MESD: variants seen among roughly 807,000 people sequenced by gnomAD.
MESD encodes mesoderm development LRP chaperone.
Under a neutral mutation model 12.9 loss-of-function variants are expected in MESD, and 7 were observed. The ratio of observed to expected loss-of-function variants is 0.54; its 90% CI spans 0.31 to 1.02. The LOEUF is 1.02. Ranked by LOEUF, MESD falls within the 50% of genes least tolerant of loss-of-function variation. MESD has a pLI of 0.05. For missense variants in MESD, 342 were observed against 296.7 expected (o/e 1.15, Z -1.12); for synonymous variants, 126 against 115.6 (o/e 1.09, Z -0.58).
intron 2 of MESD, among the ~76,000 whole-genome samples, chr15:80,980,510 C>T (rs1323636556): frequency 6.6e-6 from 1 of 152,182 alleles, no homozygotes; most frequent in African/African-American, 2.4e-5. Flanking sequence ...GCAGAAACTT[C>T]TAGCTGAAGC....
chr15:80,954,569 G>A (rs1901925686), intron 3 of MESD, among the ~76,000 whole-genome samples: 1 of 152,208 alleles, frequency 6.6e-6, no homozygotes, highest in African/African-American at 2.4e-5. Flanking sequence ...CCTCAGGGCT[G>A]GGTTGGGGTG....
intron 3 of MESD, among the ~76,000 whole-genome samples, chr15:80,955,532 G>C (rs1407922872): frequency 2.0e-5 from 3 of 150,546 alleles, no homozygotes; most frequent in African/African-American, 7.4e-5. Flanking sequence ...GGCTCTCCCA[G>C]ATCAGCTGAA....
At chr15:80,975,496 G>A (rs1902386876), downstream of MESD, among the ~76,000 whole-genome samples, 1 of 152,256 alleles carries the variant, frequency 6.6e-6, no homozygotes, top group South Asian at 2.1e-4. Context: ...TGTGGGTGCA[G>A]AAGGTGGATA....
At chr15:80,981,724 G>A (rs1008134545) in intron 2 of MESD, among the ~76,000 whole-genome samples, 3 of 149,460 alleles carry the variant, frequency 2.0e-5, no homozygotes, top group Admixed American at 1.3e-4. Context: ...GCATGGTGGC[G>A]GGCGCCTGTA....
chr15:80,947,541 C>T lies in MESD; in HGVS notation c.*1984G>A, dbSNP rs75584062. The T allele has an allele frequency of 7.6e-3, 1,266 of 165,752 alleles. 20 individuals carry two copies. Among genetic ancestry groups the T allele is most frequent in the African/African-American group, 0.029 (1,207 of 41,774 alleles). The allele number at this position is 165,752 out of a possible 1,614,324, so 10.3% of individuals were successfully genotyped here. A position where few individuals can be genotyped will look rare whatever the true frequency, so the allele number is the denominator to read the frequency against. On this transcript the variant is annotated 3_prime_UTR_variant, in exon 5 of 5. Transcript: ENST00000561312. ...AGCCCAGAGAACCTACATGGCTTGT[C>T]CAAGGCCAGGCAGCTTCGGTGGTGA...
chr15:80,968,294 T>C (rs986671576), intron 3 of MESD, among the ~76,000 whole-genome samples: 5 of 152,240 alleles, frequency 3.3e-5, no homozygotes, highest in African/African-American at 9.6e-5. Flanking sequence ...ATTCTCCTTC[T>C]GGAGCAATCT....
chr15:80,949,479 G>A (rs1901725040), intron 4 of MESD: 1 of 183,652 alleles, frequency 5.4e-6, no homozygotes, highest in African/African-American at 2.3e-5. Context: ...CCCTGCCTCT[G>A]GCCGTGTCCA....
downstream of MESD, among the ~76,000 whole-genome samples, chr15:80,971,700 C>T (rs941711073): frequency 2.0e-4 from 30 of 152,226 alleles, no homozygotes; most frequent in African/African-American, 6.7e-4. Context: ...AATCACAGCT[C>T]ACTGCAGCCT....
chr15:80,968,722 T>C (rs990163271), intron 3 of MESD, among the ~76,000 whole-genome samples: 1 of 152,182 alleles, frequency 6.6e-6, no homozygotes, highest in Non-Finnish European at 1.5e-5. Flanking sequence ...ATAATACTTC[T>C]CTGAAATGGG....
At chr15:80,959,876 C>A (rs1022542143) in intron 3 of MESD, among the ~76,000 whole-genome samples, 2 of 140,918 alleles carry the variant, frequency 1.4e-5, no homozygotes, top group African/African-American at 5.1e-5. Flanking sequence ...GGGAGTGGGG[C>A]GGTGGGTGGG....
intron 3 of MESD, among the ~76,000 whole-genome samples, chr15:80,961,423 G>A (rs1902086643): frequency 6.6e-6 from 1 of 152,172 alleles, no homozygotes; most frequent in Non-Finnish European, 1.5e-5. Flanking sequence ...AAACAACAGT[G>A]AGATGCTATT....
At chr15:80,975,391 A>AAAAC (rs1157852105), downstream of MESD, among the ~76,000 whole-genome samples, 1 of 151,970 alleles carries the variant, frequency 6.6e-6, no homozygotes, top group African/African-American at 2.4e-5. Flanking sequence ...TGTCTCTTAA[A>AAAAC]AAACAAACAA....
chr15:80,947,714 T>C (rs1283471310), exon 5 of MESD: 4 of 153,948 alleles, frequency 2.6e-5, no homozygotes, highest in Non-Finnish European at 1.4e-5. Flanking sequence ...CGGGCAATAA[T>C]GATAATGATC....
intron 2 of MESD, among the ~76,000 whole-genome samples, chr15:80,980,695 G>A (rs1037115770): frequency 5.3e-5 from 8 of 152,072 alleles, no homozygotes; most frequent in Admixed American, 5.2e-4. Flanking sequence ...TAGCACTTTG[G>A]GAGGTTGAGG....
intron 3 of MESD, among the ~76,000 whole-genome samples, chr15:80,966,598 C>T (rs1902179922): frequency 6.6e-6 from 1 of 152,190 alleles, no homozygotes; most frequent in Non-Finnish European, 1.5e-5. Context: ...TCCTGCTGTG[C>T]CACTGCCCCC....
In MESD at chr15:80,979,219, T is replaced by C. The variant is rs1277912578; in HGVS notation, c.705A>G (p.Ter235TrpextTer68). The C allele has an allele frequency of 6.2e-7, 1 of 1,613,030 alleles. No homozygotes were observed. The highest frequency in any genetic ancestry group is 2.2e-5 in the East Asian group (1 of 44,886). ...NRAGNKREDL[*>W] The stretch of plus-strand genomic sequence containing the variant: ...CCCACAGCGCGTCACTGCTGCCCCA[T>C]CACAGGTCTTCTCTTTTATTCCCAG... The change falls in exon 3 of 3, where the codon TGA (stop) becomes TGG (tryptophan). Residue 235 changes from the stop codon to tryptophan (W), a stop_lost. Coordinates refer to ENST00000261758, the MANE Select transcript of MESD (RefSeq NM_015154.3).
intron 3 of MESD, among the ~76,000 whole-genome samples, chr15:80,955,112 C>T (rs1316466928): frequency 6.7e-6 from 1 of 150,220 alleles, no homozygotes; most frequent in East Asian, 2.0e-4. Context: ...GCCTGGGCAA[C>T]ACAGCGAGAC....
intron 1 of MESD, among the ~76,000 whole-genome samples, chr15:80,985,528 T>TC (rs1228834030): frequency 6.6e-6 from 1 of 152,156 alleles, no homozygotes; most frequent in Non-Finnish European, 1.5e-5. Context: ...TCGGTTATAG[T>TC]CTCTTTAAAA....
exon 4 of MESD, chr15:80,951,986 A>G (rs1596221359): frequency 3.0e-6 from 1 of 334,762 alleles, no homozygotes; most frequent in South Asian, 2.3e-5. Flanking sequence ...CGGGGTGTCC[A>G]TAAGAGCAGG....
Sources: allele counts gnomAD v4.1 joint callset (sites outside exome capture counted in the v4.1 genomes callset), GRCh38; gene constraint gnomAD v4.1.1; transcripts MANE v1.5; gene names NCBI Gene and HGNC (gene_info 2026-07-23, HGNC 2026-07-21).